ASB15: variants seen among roughly 807,000 people sequenced by gnomAD.
ASB15 encodes the protein ankyrin repeat and SOCS box containing 15, also known as ankyrin repeat and SOCS box protein 15.
Under a neutral mutation model 58.0 loss-of-function variants are expected in ASB15, and 54 were observed. The ratio of observed to expected loss-of-function variants is 0.93; its 90% CI spans 0.75 to 1.17. The LOEUF (loss-of-function observed/expected upper bound fraction) is 1.17, where lower values mean the gene tolerates loss of function less well. Ranked by LOEUF, ASB15 falls within the 50% of genes most tolerant of loss-of-function variation. ASB15 has a pLI of 0.00. For synonymous variants in ASB15, 249 were observed against 262.4 expected, an observed-to-expected ratio of 0.95 and a Z score of 0.50; for missense variants, 680 against 707.4, an observed-to-expected ratio of 0.96 and a Z score of 0.44.
intron 7 of ASB15, among the ~76,000 whole-genome samples, chr7:123,619,366 G>A (rs1801076696): frequency 6.6e-6 from 1 of 151,956 alleles, no homozygotes; most frequent in Admixed American, 6.6e-5. Context: ...TAAATTAGGA[G>A]AATAAAAAAG....
intron 3 of ASB15, chr7:123,609,175 G>T (rs2116464123): frequency 6.7e-6 from 1 of 150,260 alleles, no homozygotes; most frequent in Non-Finnish European, 1.5e-5. Flanking sequence ...GAACCCCAGG[G>T]TTTCTATTTG....
chr7:123,583,607 C>T (rs1449414488), intron 1 of ASB15, among the ~76,000 whole-genome samples: 3 of 151,836 alleles, frequency 2.0e-5, no homozygotes, highest in African/African-American at 7.3e-5. Context: ...ATCAACAACC[C>T]TTAGTCATAA....
In ASB15 at chr7:123,595,082, A is replaced by C. The variant is rs576283689; in HGVS notation, c.-442-8950A>C. ...TCAGACTGCTGCACTAGCAGCAAGC[A>C]AGGCTCCGTGGACGTGGAACTCGCT... On this transcript the variant is annotated intron_variant, in intron 1 of 13. Coordinates refer to the ASB15 transcript ENST00000451558. Among the ~76,000 whole-genome samples the C allele has an allele frequency of 2.2e-4, 34 of 152,312 alleles. No individual in the cohort carries two copies. The South Asian group carries it at 6.8e-3, about 31-fold the overall frequency.
chr7:123,584,329 A>G (rs1799317076), intron 1 of ASB15, among the ~76,000 whole-genome samples: 1 of 140,544 alleles, frequency 7.1e-6, no homozygotes, highest in African/African-American at 2.6e-5. Context: ...AAAAAAAAAA[A>G]GTAAGAGAAA....
intron 1 of ASB15, among the ~76,000 whole-genome samples, chr7:123,590,171 G>GTT (rs889970448): frequency 4.6e-5 from 7 of 151,482 alleles, no homozygotes; most frequent in African/African-American, 1.5e-4. Flanking sequence ...GGGGTTGTTT[G>GTT]TTTTTTTTCC....
At chr7:123,583,727 A>C (rs1051997758) in intron 1 of ASB15, among the ~76,000 whole-genome samples, 6 of 152,054 alleles carry the variant, frequency 3.9e-5, no homozygotes, top group Admixed American at 3.9e-4. Flanking sequence ...CTGATCCTTA[A>C]GCATAAGAAC....
At chr7:123,579,495 A>G (rs1015731685) in intron 1 of ASB15, among the ~76,000 whole-genome samples, 18 of 152,122 alleles carry the variant, frequency 1.2e-4, no homozygotes, top group Non-Finnish European at 2.4e-4. Flanking sequence ...CTCTATAAAT[A>G]GTCTCAAAAA....
chr7:123,625,367 G>A (rs1801704818), intron 8 of ASB15, among the ~76,000 whole-genome samples: 1 of 152,102 alleles, frequency 6.6e-6, no homozygotes, highest in Non-Finnish European at 1.5e-5. Flanking sequence ...GAGAATCACA[G>A]TACATACTGC....
chr7:123,580,492 T>TA (rs1410878668), intron 1 of ASB15, among the ~76,000 whole-genome samples: 3 of 152,070 alleles, frequency 2.0e-5, no homozygotes, highest in Non-Finnish European at 2.9e-5. Context: ...CTTAACCCCC[T>TA]AAGCCTTACT....
At chr7:123,585,617 A>G (rs1437284491) in intron 1 of ASB15, among the ~76,000 whole-genome samples, 1 of 149,432 alleles carries the variant, frequency 6.7e-6, no homozygotes, top group East Asian at 2.0e-4. Context: ...CATATCCATC[A>G]CCTTACATAG....
intron 1 of ASB15, among the ~76,000 whole-genome samples, chr7:123,602,978 G>C (rs1196668122): frequency 1.3e-5 from 2 of 152,112 alleles, no homozygotes; most frequent in Non-Finnish European, 2.9e-5. Context: ...TAAAGTGGGG[G>C]AGAATTATGT....
intron 1 of ASB15, among the ~76,000 whole-genome samples, chr7:123,596,776 A>C (rs1294852956): frequency 1.3e-5 from 2 of 152,248 alleles, no homozygotes; most frequent in East Asian, 1.9e-4. Flanking sequence ...ATTACGCATT[A>C]GCAACTTCAA....
chr7:123,578,686 C>T (rs553406697), intron 1 of ASB15, among the ~76,000 whole-genome samples: 1 of 152,110 alleles, frequency 6.6e-6, no homozygotes, highest in African/African-American at 2.4e-5. Flanking sequence ...CATTCAATAG[C>T]TTAGTCTTTT....
rs1217007513 is a variant in ASB15 at position 123,629,314 on chromosome 7, T to C, written c.1320T>C (p.Tyr440=). The change falls in exon 10 of 12, where the codon TAT becomes TAC. Residue 440 remains tyrosine, a synonymous_variant. Transcript: ENST00000451215. ...VMLRLLLNNG[Y]QVEMCFDCMH... is the part of the protein sequence containing the mutation. Reference sequence around the variant, plus strand: ...TGAGGCTATTGCTGAATAATGGCTATCAAGTGGAGATGTGCTTTGACTGCA... The same window carrying C: ...TGAGGCTATTGCTGAATAATGGCTACCAAGTGGAGATGTGCTTTGACTGCA... 1 of 1,614,122 alleles carries C rather than the reference T, an allele frequency of 6.2e-7. No individual in the cohort carries two copies.
Position 123,613,135 on chromosome 7 carries a change from T to C in ASB15, c.-2-1366T>C, listed in dbSNP as rs146665741. ...CTGATATAGAACAATGAACAATTAA[T>C]CATAATATTGCCATTGAGTTCATGC... On this transcript the variant is annotated intron_variant, in intron 3 of 11. Transcript: ENST00000451215. 8.8e-3 allele frequency among the ~76,000 whole-genome samples: 1,339 copies of C among 152,190 alleles called. 18 individuals carry two copies. The highest frequency in any genetic ancestry group is 0.03 in the African/African-American group (1,247 of 41,508).
intron 1 of ASB15, among the ~76,000 whole-genome samples, chr7:123,587,149 A>G (rs1273558787): frequency 1.3e-5 from 2 of 151,666 alleles, no homozygotes; most frequent in Admixed American, 6.6e-5. Context: ...TCTGTAGATC[A>G]CTTTGTAGTG....
chr7:123,571,914 C>T (rs1261132218), intron 1 of ASB15, among the ~76,000 whole-genome samples: 3 of 151,922 alleles, frequency 2.0e-5, no homozygotes, highest in Admixed American at 1.3e-4. Context: ...ACACCACAGG[C>T]ATGCACCATC....
chr7:123,604,083 T>C lies in ASB15; in HGVS notation c.-193T>C, dbSNP rs562894336. 2 of 152,340 alleles carry C rather than the reference T, an allele frequency of 1.3e-5. No individual in the cohort carries two copies. Among genetic ancestry groups the C allele is most frequent in the African/African-American group, 4.8e-5 (2 of 41,560 alleles). The allele number at this position is 152,340 out of a possible 1,614,324, so 9.4% of individuals were successfully genotyped here. A position where few individuals can be genotyped will look rare whatever the true frequency, so the allele number is the denominator to read the frequency against. On this transcript the variant is annotated 5_prime_UTR_variant, in exon 2 of 12. Coordinates refer to ENST00000451215, the MANE Select transcript of ASB15 (RefSeq NM_001290258.2). The stretch of plus-strand genomic sequence containing the variant: ...TGAGGCCATCTTATAGGAAGAGCAG[T>C]TGTCCAGCCTCTGGAAGAAAAAGCT...
intron 1 of ASB15, among the ~76,000 whole-genome samples, chr7:123,584,086 T>G (rs376686842): frequency 6.6e-6 from 1 of 152,028 alleles, no homozygotes; most frequent in Admixed American, 6.6e-5. Context: ...CCACACGGTT[T>G]TAAGTATCAC....
Sources: allele counts gnomAD v4.1 joint callset (sites outside exome capture counted in the v4.1 genomes callset), GRCh38; gene constraint gnomAD v4.1.1; transcripts MANE v1.5; gene names NCBI Gene and HGNC (gene_info 2026-07-23, HGNC 2026-07-21).